Variants in LIN7A observed in about 807,000 individuals in gnomAD.
The protein encoded by LIN7A is lin-7 cell polarity scaffold A.
A neutral mutation model predicts 29.8 loss-of-function variants in LIN7A; 25 were observed. The ratio of observed to expected loss-of-function variants is 0.84; its 90% confidence interval spans 0.61 to 1.17. The LOEUF is 1.17. LIN7A is among the 50% of genes most tolerant of loss of function. The probability of loss-of-function intolerance (pLI) is 0.00; values close to 1 mark genes in which losing one functional copy is unlikely to be tolerated. For missense variants in LIN7A, 239 were observed against 287.0 expected (o/e 0.83, Z 1.21); for synonymous variants, 118 against 107.5 (o/e 1.10, Z -0.60).
chr12:80,928,525 C>G (rs1416112123), intron 1 of LIN7A, among the ~76,000 whole-genome samples: 1 of 152,096 alleles, frequency 6.6e-6, no homozygotes, highest in Non-Finnish European at 1.5e-5. Context: ...ATATCTTTTT[C>G]CCATTTTTTG....
intron 2 of LIN7A, among the ~76,000 whole-genome samples, chr12:80,869,966 G>A (rs1206136086): frequency 6.6e-6 from 1 of 152,076 alleles, no homozygotes; most frequent in East Asian, 1.9e-4. Flanking sequence ...GAGAAAGCTA[G>A]CCAGATGTTT....
At chr12:80,927,193 G>T (rs533337505) in intron 1 of LIN7A, among the ~76,000 whole-genome samples, 8 of 110,352 alleles carry the variant, frequency 7.2e-5, no homozygotes, top group Non-Finnish European at 9.9e-5. Context: ...ACGGAGTCTC[G>T]CTCCGTCGCC....
intron 1 of LIN7A, among the ~76,000 whole-genome samples, chr12:80,918,686 T>G (rs1412514171): frequency 1.3e-5 from 2 of 152,224 alleles, no homozygotes; most frequent in African/African-American, 2.4e-5. Context: ...TCTTGATATT[T>G]GTAATGGAAG....
intron 5 of LIN7A, 114 bp downstream of exon 5, chr12:80,811,351 G>A: frequency 2.3e-6 from 1 of 433,590 alleles, no homozygotes; most frequent in Non-Finnish European, 4.1e-6. Flanking sequence ...TTTCAGCTAA[G>A]AAAATATATT....
chr12:80,803,523 A>T (rs530431038), intron 5 of LIN7A, among the ~76,000 whole-genome samples: 3 of 152,258 alleles, frequency 2.0e-5, no homozygotes, highest in African/African-American at 7.2e-5. Context: ...TGTTTTGATT[A>T]CCATAGCTTT....
chr12:80,927,326 T>G lies in LIN7A; in HGVS notation c.82+10315A>C, dbSNP rs181176105. Among the ~76,000 whole-genome samples, 497 of 152,050 alleles carry G rather than the reference T, an allele frequency of 3.3e-3. 12 individuals carry two copies. Among genetic ancestry groups the G allele is most frequent in the Admixed American group, 0.028 (425 of 15,254 alleles). Reference sequence around the variant, plus strand: ...ACAGGCGCCCGCCACCGCGCCCAGCTAATTTTTTGTATTTTTAGCAGAGAC... The same window carrying G: ...ACAGGCGCCCGCCACCGCGCCCAGCGAATTTTTTGTATTTTTAGCAGAGAC... On this transcript the variant is annotated intron_variant, in intron 1 of 5. Coordinates refer to ENST00000552864, the MANE Select transcript of LIN7A (RefSeq NM_004664.4).
chr12:80,926,444 T>C (rs1877585606), intron 1 of LIN7A, among the ~76,000 whole-genome samples: 1 of 152,230 alleles, frequency 6.6e-6, no homozygotes, highest in Non-Finnish European at 1.5e-5. Flanking sequence ...TATTTAGAAA[T>C]AGGATCATTG....
rs531758755 is a variant in LIN7A at position 80,892,940 on chromosome 12, A to T, written c.83-3571T>A. ...GGTTCTAAACACGAATGTGTTTAAGAATCACCCAGAAAAGCTTATTGAAAT... is the reference window on the plus strand; with the variant it reads ...GGTTCTAAACACGAATGTGTTTAAGTATCACCCAGAAAAGCTTATTGAAAT... On this transcript the variant is annotated intron_variant, in intron 1 of 5. Transcript: ENST00000552864. 1.7e-4 allele frequency among the ~76,000 whole-genome samples: 26 copies of T among 152,292 alleles called. No homozygotes were observed. In the South Asian group the frequency reaches 5.4e-3, roughly 32 times the overall value.
intron 4 of LIN7A, among the ~76,000 whole-genome samples, chr12:80,836,280 C>T (rs191316400): frequency 6.6e-6 from 1 of 152,332 alleles, no homozygotes; most frequent in East Asian, 1.9e-4. Context: ...AAGACCTTCA[C>T]ACAAGCTCTT....
intron 4 of LIN7A, among the ~76,000 whole-genome samples, chr12:80,812,813 G>T (rs991067563): frequency 1.1e-4 from 16 of 152,100 alleles, no homozygotes; most frequent in Non-Finnish European, 2.1e-4. Context: ...AGCCTCTCAA[G>T]CTGCTGGGAG....
At chr12:80,929,394 C>T (rs1565933439) in intron 1 of LIN7A, among the ~76,000 whole-genome samples, 1 of 152,090 alleles carries the variant, frequency 6.6e-6, no homozygotes, top group African/African-American at 2.4e-5. Context: ...ATTTGTTATT[C>T]CTCCTAGCTT....
chr12:80,869,361 T>G (rs1555225751), intron 2 of LIN7A, among the ~76,000 whole-genome samples: 1 of 152,006 alleles, frequency 6.6e-6, no homozygotes, highest in Non-Finnish European at 1.5e-5. Flanking sequence ...TGTGGGGAGT[T>G]CTGTGGACCC....
chr12:80,798,377 A>C (rs1870553655), intron 5 of LIN7A, among the ~76,000 whole-genome samples: 1 of 152,200 alleles, frequency 6.6e-6, no homozygotes, highest in South Asian at 2.1e-4. Flanking sequence ...AATGAATGCC[A>C]AGCACCATAT....
chr12:80,872,984 TTCTCCACATTG>T (rs1874498454), intron 2 of LIN7A, among the ~76,000 whole-genome samples: 1 of 152,188 alleles, frequency 6.6e-6, no homozygotes, highest in Non-Finnish European at 1.5e-5. Context: ...GCCAGTAAAC[TTCTCCACATTG>T]TCTCCATATG....
At chr12:80,824,817 T>C (rs1025359247) in intron 4 of LIN7A, among the ~76,000 whole-genome samples, 3 of 152,222 alleles carry the variant, frequency 2.0e-5, no homozygotes, top group African/African-American at 7.2e-5. Flanking sequence ...TCCAGCATCC[T>C]TTATGATTAA....
At chr12:80,877,633 G>T (rs545628388) in intron 2 of LIN7A, among the ~76,000 whole-genome samples, 1 of 152,086 alleles carries the variant, frequency 6.6e-6, no homozygotes, top group Non-Finnish European at 1.5e-5. Flanking sequence ...GAGGGAAGAA[G>T]AAAGGAAGAG....
At chr12:80,936,656 A>G (rs751650900) in intron 1 of LIN7A, 1 of 152,452 alleles carries the variant, frequency 6.6e-6, no homozygotes, top group Non-Finnish European at 1.5e-5. Context: ...AAGGAAACCC[A>G]CACACTCAGG....
intron 2 of LIN7A, among the ~76,000 whole-genome samples, chr12:80,863,649 CA>C (rs1188058749): frequency 6.6e-6 from 1 of 152,146 alleles, no homozygotes; most frequent in Non-Finnish European, 1.5e-5. Context: ...CATGTGAAAA[CA>C]TATCTTGATG....
chr12:80,909,248 A>G (rs1432146001), intron 1 of LIN7A, among the ~76,000 whole-genome samples: 1 of 152,156 alleles, frequency 6.6e-6, no homozygotes, highest in Non-Finnish European at 1.5e-5. Context: ...TTCCCCTGGT[A>G]TAGTTGTTCA....
Sources: allele counts gnomAD v4.1 joint callset (sites outside exome capture counted in the v4.1 genomes callset), GRCh38; gene constraint gnomAD v4.1.1; transcripts MANE v1.5; gene names NCBI Gene and HGNC (gene_info 2026-07-23, HGNC 2026-07-21).